The following ARHGAP44 variants were observed in gnomAD, a reference collection of about 807,000 sequenced individuals.
ARHGAP44 encodes Rho GTPase activating protein 44, also known as rho GTPase-activating protein 44.
ARHGAP44 carries 43 observed loss-of-function variants against 106.8 expected under a neutral mutation model. The ratio of observed to expected loss-of-function variants is 0.40; its 90% CI spans 0.32 to 0.52. ARHGAP44 has a LOEUF of 0.52. Among genes scored for constraint, ARHGAP44 ranks in the 20% least tolerant of loss-of-function variants. ARHGAP44 has a pLI of 0.48. For missense variants in ARHGAP44, 866 were observed against 1,050.5 expected (o/e 0.82, Z 2.43); for synonymous variants, 439 against 410.3 (o/e 1.07, Z -0.85).
At chr17:12,840,738 A>G (rs1175619022) in intron 1 of ARHGAP44, among the ~76,000 whole-genome samples, 1 of 152,166 alleles carries the variant, frequency 6.6e-6, no homozygotes. Flanking sequence ...CCATGTAAAG[A>G]GCGGAGATTC....
chr17:12,859,015 GGTCCCTCCCACA>G (rs752747115), intron 1 of ARHGAP44, among the ~76,000 whole-genome samples: 33 of 152,038 alleles, frequency 2.2e-4, no homozygotes, highest in Admixed American at 3.3e-4. Context: ...TCTCCCACTG[GGTCCCTCCCACA>G]GTGAATGGGA....
intron 7 of ARHGAP44, among the ~76,000 whole-genome samples, chr17:12,935,141 C>A (rs1380365383): frequency 2.0e-5 from 3 of 151,812 alleles, no homozygotes; most frequent in South Asian, 2.1e-4. Flanking sequence ...ATTTTAAGGT[C>A]AAAAAATAAT....
intron 1 of ARHGAP44, among the ~76,000 whole-genome samples, chr17:12,838,451 C>T (rs78973754): frequency 0.032 from 4,865 of 152,118 alleles, 275 homozygotes; most frequent in African/African-American, 0.11. Flanking sequence ...TTGCCAGTAC[C>T]CGTATTAGCC....
chr17:12,959,178 T>A, intron 16 of ARHGAP44: 1 of 400,322 alleles, frequency 2.5e-6, no homozygotes, highest in Non-Finnish European at 4.6e-6. Context: ...TGAGTGCAAT[T>A]AAAAAAAATA....
At chr17:12,913,264 AT>A (rs796295836) in intron 4 of ARHGAP44, among the ~76,000 whole-genome samples, 6 of 152,260 alleles carry the variant, frequency 3.9e-5, no homozygotes, top group African/African-American at 1.4e-4. Flanking sequence ...AGTTAAGCAA[AT>A]TTTGGTTCAA....
chr17:12,915,671 T>G (rs1197623034), intron 4 of ARHGAP44, among the ~76,000 whole-genome samples: 1 of 152,184 alleles, frequency 6.6e-6, no homozygotes, highest in Admixed American at 6.5e-5. Flanking sequence ...TCCCCACATT[T>G]CCCCTTGTGC....
At chr17:12,813,622 A>G (rs920204026) in intron 1 of ARHGAP44, among the ~76,000 whole-genome samples, 4 of 152,208 alleles carry the variant, frequency 2.6e-5, no homozygotes, top group Non-Finnish European at 4.4e-5. Context: ...CCAGGTACAG[A>G]AAAGTTACAA....
At chr17:12,922,666 T>C (rs1226917721) in intron 6 of ARHGAP44, among the ~76,000 whole-genome samples, 1 of 152,218 alleles carries the variant, frequency 6.6e-6, no homozygotes, top group Non-Finnish European at 1.5e-5. Flanking sequence ...TGTCTTCTTA[T>C]GAGAAGGAGA....
At chr17:12,973,086 T>A (rs2039570002) in intron 16 of ARHGAP44, 1 of 535,286 alleles carries the variant, frequency 1.9e-6, no homozygotes, top group Admixed American at 3.4e-5. Flanking sequence ...CTGCTCTCTT[T>A]ACCTGTGTGC....
intron 1 of ARHGAP44, among the ~76,000 whole-genome samples, chr17:12,890,244 A>G (rs752142831): frequency 6.6e-6 from 1 of 152,154 alleles, no homozygotes; most frequent in Non-Finnish European, 1.5e-5. Context: ...CTCTTGTGAC[A>G]TGTCTGTGCC....
chr17:12,885,763 C>G (rs1349198005), intron 1 of ARHGAP44, among the ~76,000 whole-genome samples: 2 of 151,930 alleles, frequency 1.3e-5, no homozygotes, highest in Admixed American at 6.6e-5. Context: ...GTATACAATT[C>G]TTATATATGT....
intron 3 of ARHGAP44, among the ~76,000 whole-genome samples, 191 bp downstream of exon 3, chr17:12,896,702 C>T (rs1317752237): frequency 6.6e-6 from 1 of 152,198 alleles, no homozygotes; most frequent in Non-Finnish European, 1.5e-5. Context: ...TGCTCTTTAG[C>T]CCAGCCTGAA....
chr17:12,814,906 G>C (rs2034553786), intron 1 of ARHGAP44, among the ~76,000 whole-genome samples: 1 of 152,060 alleles, frequency 6.6e-6, no homozygotes, highest in South Asian at 2.1e-4. Flanking sequence ...TCTTAAAGTG[G>C]TAAATATTGC....
At chr17:12,987,110 A>G in intron 20 of ARHGAP44, 1 of 1,533,144 alleles carries the variant, frequency 6.5e-7, no homozygotes, top group South Asian at 1.2e-5. Context: ...GCTGTGTGAC[A>G]TGAGTGGCGC....
intron 7 of ARHGAP44, among the ~76,000 whole-genome samples, chr17:12,932,414 G>A (rs756502479): frequency 7.2e-5 from 11 of 152,138 alleles, no homozygotes; most frequent in Non-Finnish European, 1.6e-4. Context: ...AATTATCTAT[G>A]TATCAGCAGT....
chr17:12,943,437 C>G (rs2038758014), intron 8 of ARHGAP44, 151 bp from the exon 9 acceptor site: 1 of 641,850 alleles, frequency 1.6e-6, no homozygotes, highest in Non-Finnish European at 2.7e-6. Context: ...AAAGAGGAAG[C>G]ATGCTCGTTA....
chr17:12,847,274 A>G (rs1240733282), intron 1 of ARHGAP44, among the ~76,000 whole-genome samples: 1 of 152,184 alleles, frequency 6.6e-6, no homozygotes, highest in African/African-American at 2.4e-5. Flanking sequence ...CAGTTTCCCC[A>G]GTATGTTAAT....
intron 3 of ARHGAP44, among the ~76,000 whole-genome samples, chr17:12,901,015 C>T (rs577751128): frequency 6.6e-6 from 1 of 150,722 alleles, no homozygotes; most frequent in East Asian, 2.0e-4. Flanking sequence ...CCTCTGCCTC[C>T]CGGGTTCAAG....
chr17:12,814,012 G>T (rs1445752613), intron 1 of ARHGAP44, among the ~76,000 whole-genome samples: 2 of 152,092 alleles, frequency 1.3e-5, no homozygotes, highest in East Asian at 3.9e-4. Flanking sequence ...TTCCTTCGGG[G>T]TTATCGATTA....
Sources: gnomAD v4.1 joint callset for allele counts (sites outside exome capture counted in the v4.1 genomes callset) on GRCh38, gnomAD v4.1.1 for gene constraint, MANE v1.5 for transcripts, NCBI Gene and HGNC (gene_info 2026-07-23, HGNC 2026-07-21) for gene names.